Variants in HPSE2 observed in about 807,000 individuals in gnomAD.
HPSE2 encodes the protein heparanase 2 (inactive).
Under a neutral mutation model 60.5 loss-of-function variants are expected in HPSE2, and 38 were observed. The ratio of observed to expected loss-of-function variants is 0.63; its 90% CI spans 0.48 to 0.82. HPSE2 has a LOEUF of 0.82. Among genes scored for constraint, HPSE2 ranks in the 40% least tolerant of loss-of-function variants. The pLI is 0.00. For synonymous variants in HPSE2, 295 were observed against 293.2 expected (o/e 1.01, Z -0.06); for missense variants, 713 against 740.4 (o/e 0.96, Z 0.43).
chr10:98,555,760 C>T (rs2133862464), intron 9 of HPSE2, among the ~76,000 whole-genome samples: 1 of 152,300 alleles, frequency 6.6e-6, no homozygotes. Flanking sequence ...GGCATTGTAA[C>T]TTAATTCTCC....
intron 3 of HPSE2, among the ~76,000 whole-genome samples, chr10:99,041,111 C>G (rs565010926): frequency 2.0e-5 from 3 of 151,818 alleles, no homozygotes; most frequent in Non-Finnish European, 4.4e-5. Flanking sequence ...ATTGCATAGT[C>G]AAGTATTCAG....
At chr10:99,081,495 T>A (rs747068988) in intron 3 of HPSE2, among the ~76,000 whole-genome samples, 41 of 152,030 alleles carry the variant, frequency 2.7e-4, no homozygotes, top group Non-Finnish European at 5.0e-4. Flanking sequence ...AATAATGTCT[T>A]TAAAGCCCTT....
chr10:98,853,206 T>C (rs933512800), intron 3 of HPSE2, among the ~76,000 whole-genome samples: 1 of 152,192 alleles, frequency 6.6e-6, no homozygotes, highest in Admixed American at 6.5e-5. Flanking sequence ...TGAGGAGGAA[T>C]AGTACAACTT....
intron 3 of HPSE2, among the ~76,000 whole-genome samples, chr10:98,781,645 T>C (rs1295828838): frequency 2.0e-5 from 3 of 152,036 alleles, no homozygotes; most frequent in Non-Finnish European, 4.4e-5. Flanking sequence ...ATCAAAGAAA[T>C]ATAAATTAAA....
the HPSE2 span, among the ~76,000 whole-genome samples, chr10:99,308,379 C>CAAAAAAAAAAAAAAAAAAAAAAA: frequency 6.8e-4 from 19 of 28,136 alleles, 2 homozygotes; most frequent in Non-Finnish European, 1.0e-3. Flanking sequence ...GACTCTGTCT[C>CAAAAAAAAAAAAAAAAAAAAAAA]AAAAAAAAAA....
chr10:98,853,026 A>G (rs1952220655), intron 3 of HPSE2, among the ~76,000 whole-genome samples: 1 of 152,254 alleles, frequency 6.6e-6, no homozygotes, highest in African/African-American at 2.4e-5. Flanking sequence ...GCTACAAAAC[A>G]AAAGTTTTAA....
chr10:98,562,378 G>A (rs1490695310), intron 9 of HPSE2, among the ~76,000 whole-genome samples: 1 of 152,176 alleles, frequency 6.6e-6, no homozygotes, highest in African/African-American at 2.4e-5. Flanking sequence ...CTCACAGACA[G>A]CCTCTGAGAG....
At position 98,848,289 on chromosome 10, in the gene HPSE2, G is replaced by C. The variant is rs191500490; in HGVS notation, c.611-104233C>G. Among the ~76,000 whole-genome samples, 380 of 152,236 alleles carry C rather than the reference G, an allele frequency of 2.5e-3. 1 individual carries two copies. Among genetic ancestry groups the C allele is most frequent in the Admixed American group, 0.016 (240 of 15,284 alleles). On this transcript the variant is annotated intron_variant, in intron 3 of 11. Coordinates refer to ENST00000370552, the MANE Select transcript of HPSE2 (RefSeq NM_021828.5). Reference sequence around the variant, plus strand: ...CAAAATTATCCAGGCATGGTGGTATGAGCATGTAATCCCAGCTACTCAGGA... The same window carrying C: ...CAAAATTATCCAGGCATGGTGGTATCAGCATGTAATCCCAGCTACTCAGGA...
At chr10:98,919,466 C>T (rs564060751) in intron 3 of HPSE2, among the ~76,000 whole-genome samples, 87 of 151,918 alleles carry the variant, frequency 5.7e-4, no homozygotes, top group Middle Eastern at 3.4e-3. Context: ...AACTAAACCG[C>T]GACAAGATTA....
chr10:98,880,307 G>A (rs1354687402), intron 3 of HPSE2, among the ~76,000 whole-genome samples: 7 of 152,008 alleles, frequency 4.6e-5, no homozygotes, highest in Non-Finnish European at 1.5e-5. Context: ...ATGGATTTGA[G>A]TTATAGTCAC....
At chr10:98,463,259 T>C (rs991221571) in intron 11 of HPSE2, among the ~76,000 whole-genome samples, 3 of 152,170 alleles carry the variant, frequency 2.0e-5, no homozygotes, top group South Asian at 2.1e-4. Context: ...TTGTGAACAA[T>C]GACACCCAGC....
chr10:99,026,690 G>C (rs1957385518), intron 3 of HPSE2, among the ~76,000 whole-genome samples: 2 of 152,054 alleles, frequency 1.3e-5, no homozygotes, highest in Admixed American at 1.3e-4. Context: ...TCAGCACATG[G>C]ATAATTCACA....
chr10:98,542,971 C>T (rs10883122), intron 9 of HPSE2, among the ~76,000 whole-genome samples: 126,219 of 148,976 alleles, frequency 0.85, 54,617 homozygotes, highest in East Asian at 1. Flanking sequence ...TCAGGAAATA[C>T]AGAGAATGCC....
At chr10:98,579,380 C>T (rs919977177) in intron 9 of HPSE2, among the ~76,000 whole-genome samples, 5 of 152,156 alleles carry the variant, frequency 3.3e-5, no homozygotes, top group Non-Finnish European at 5.9e-5. Flanking sequence ...CCTCCACCAC[C>T]TCACTGAAGA....
chr10:99,219,252 A>G (rs1198182587), intron 2 of HPSE2, among the ~76,000 whole-genome samples: 2 of 152,138 alleles, frequency 1.3e-5, no homozygotes, highest in African/African-American at 4.8e-5. Flanking sequence ...TAGTGCTCCT[A>G]TTCTCTGGAC....
chr10:99,078,169 C>A (rs1403222827), intron 3 of HPSE2, among the ~76,000 whole-genome samples: 1 of 152,162 alleles, frequency 6.6e-6, no homozygotes, highest in East Asian at 1.9e-4. Flanking sequence ...AATAAAACAT[C>A]TTTTCTTTAT....
intron 2 of HPSE2, among the ~76,000 whole-genome samples, chr10:99,145,150 A>G (rs1055345900): frequency 6.6e-6 from 1 of 152,160 alleles, no homozygotes; most frequent in African/African-American, 2.4e-5. Context: ...CTTCCTCAAA[A>G]AGAAAAATTC....
At chr10:98,576,090 A>G (rs1944632761) in intron 9 of HPSE2, among the ~76,000 whole-genome samples, 1 of 152,176 alleles carries the variant, frequency 6.6e-6, no homozygotes, top group Non-Finnish European at 1.5e-5. Context: ...AATATATGTA[A>G]AGGTAAAAAA....
intron 4 of HPSE2, among the ~76,000 whole-genome samples, chr10:98,732,402 A>T (rs549732786): frequency 1.3e-5 from 2 of 152,312 alleles, no homozygotes; most frequent in East Asian, 3.9e-4. Context: ...AGCTATTGTA[A>T]TTAAGACAAT....
Sources: gnomAD v4.1 joint callset for allele counts (sites outside exome capture counted in the v4.1 genomes callset) on GRCh38, gnomAD v4.1.1 for gene constraint, MANE v1.5 for transcripts, NCBI Gene and HGNC (gene_info 2026-07-23, HGNC 2026-07-21) for gene names.